GLIS3: variants seen among roughly 807,000 people sequenced by gnomAD.
The protein encoded by GLIS3 is zinc finger protein GLIS3.
GLIS3 carries 53 observed loss-of-function variants against 78.6 expected under a neutral mutation model. The ratio of observed to expected loss-of-function variants is 0.67; its 90% CI spans 0.54 to 0.85. GLIS3 has a LOEUF of 0.85. Ranked by LOEUF, GLIS3 falls within the 40% of genes least tolerant of loss-of-function variation. The pLI is 0.00. For synonymous variants in GLIS3, 684 were observed against 509.9 expected, an observed-to-expected ratio of 1.34 and a Z score of -4.60; for missense variants, 1,703 against 1,231.1, an observed-to-expected ratio of 1.38 and a Z score of -5.74.
intron 4 of GLIS3, among the ~76,000 whole-genome samples, chr9:3,969,775 G>T (rs940576830): frequency 3.9e-5 from 6 of 152,234 alleles, no homozygotes; most frequent in African/African-American, 1.4e-4. Context: ...AGCCCCAGAT[G>T]GTTGCTTTCA....
rs373067552 is a variant in GLIS3 at position 4,066,360 on chromosome 9, C to A, written c.1710+51408G>T. Among the ~76,000 whole-genome samples the A allele has an allele frequency of 5.9e-5, 9 of 152,208 alleles. No homozygotes were observed. The East Asian group carries it at 1.4e-3, about 23-fold the overall frequency. On this transcript the variant is annotated intron_variant, in intron 4 of 10. Coordinates refer to ENST00000381971, the MANE Select transcript of GLIS3 (RefSeq NM_001042413.2). ...TGGGAAATCCTCTGGAGTGCATATT[C>A]CTGTCTTATCTTTGATGCTGATAGG... is the stretch of plus-strand genomic sequence containing the variant.
chr9:4,249,203 T>C (rs1021476510), intron 2 of GLIS3, among the ~76,000 whole-genome samples: 4 of 152,234 alleles, frequency 2.6e-5, no homozygotes, highest in Non-Finnish European at 5.9e-5. Flanking sequence ...ATCTGTAAAT[T>C]ACTTTGGGTA....
intron 1 of GLIS3, chr9:4,298,319 C>CA: frequency 2.2e-6 from 1 of 455,514 alleles, no homozygotes; most frequent in South Asian, 1.6e-5. Flanking sequence ...CAAACACCTC[C>CA]AGCAAGTCGG....
intron 3 of GLIS3, among the ~76,000 whole-genome samples, chr9:4,125,041 C>G (rs147454542): frequency 6.6e-6 from 1 of 152,318 alleles, no homozygotes; most frequent in East Asian, 1.9e-4. Flanking sequence ...GGGGTGATTT[C>G]CCTTTTCTAT....
chr9:4,355,350 T>G, the GLIS3 span, among the ~76,000 whole-genome samples: 3 of 152,074 alleles, frequency 2.0e-5, no homozygotes, highest in Non-Finnish European at 4.4e-5. Context: ...CAGGGCTCAT[T>G]TAGGCAATGC....
chr9:4,048,508 G>A (rs1825440862), intron 4 of GLIS3, among the ~76,000 whole-genome samples: 1 of 152,162 alleles, frequency 6.6e-6, no homozygotes, highest in Non-Finnish European at 1.5e-5. Flanking sequence ...AGCTAGCACG[G>A]TCAGAAACAG....
chr9:3,826,390 G>C lies in GLIS3; in HGVS notation c.*1882C>G, dbSNP rs1817726173. 1 of 152,210 alleles carries C rather than the reference G, an allele frequency of 6.6e-6. No individual in the cohort carries two copies. The highest frequency in any genetic ancestry group is 2.4e-5 in the African/African-American group (1 of 41,438). The allele number at this position is 152,210 out of a possible 1,614,324, so 9.4% of individuals were successfully genotyped here. On this transcript the variant is annotated 3_prime_UTR_variant, in exon 11 of 11. Transcript: ENST00000381971. ...ACACGACCCACAAAGTCTGCAGGAA[G>C]GGTGGTACTTTACAAGCAGCCTTGG...
chr9:4,311,967 C>G (rs1817367428), intron 2 of GLIS3, among the ~76,000 whole-genome samples: 2 of 152,108 alleles, frequency 1.3e-5, no homozygotes, highest in Admixed American at 1.3e-4. Flanking sequence ...GAACTACAGA[C>G]AGTGGGGTCC....
At chr9:4,303,578 C>T (rs114191698), upstream of GLIS3, among the ~76,000 whole-genome samples, 364 of 152,228 alleles carry the variant, frequency 2.4e-3, 1 homozygote, top group African/African-American at 8.2e-3. Context: ...TTACACATAT[C>T]GCATTCACAA....
chr9:4,214,422 C>T (rs1433262198), intron 2 of GLIS3, among the ~76,000 whole-genome samples: 7 of 152,288 alleles, frequency 4.6e-5, no homozygotes, highest in African/African-American at 9.6e-5. Flanking sequence ...ATATCTCCAT[C>T]GGCACGTATG....
At chr9:4,387,437 C>G in the GLIS3 span, among the ~76,000 whole-genome samples, 2 of 152,118 alleles carry the variant, frequency 1.3e-5, no homozygotes, top group Non-Finnish European at 2.9e-5. Context: ...TTACGGTGTC[C>G]TCACGGTTGC....
intron 2 of GLIS3, among the ~76,000 whole-genome samples, chr9:4,280,235 C>T (rs902186192): frequency 6.6e-5 from 10 of 152,208 alleles, no homozygotes; most frequent in Non-Finnish European, 1.2e-4. Flanking sequence ...GTTGCCCAGA[C>T]TGGTCTTGAG....
At chr9:4,006,965 T>C (rs1380164176) in intron 4 of GLIS3, among the ~76,000 whole-genome samples, 1 of 152,186 alleles carries the variant, frequency 6.6e-6, no homozygotes, top group Non-Finnish European at 1.5e-5. Context: ...CAAGGCACAA[T>C]GTCATTGAGG....
At chr9:4,075,918 G>A (rs1332573479) in intron 4 of GLIS3, among the ~76,000 whole-genome samples, 8 of 152,256 alleles carry the variant, frequency 5.3e-5, no homozygotes, top group South Asian at 2.1e-4. Flanking sequence ...TAATCTAAAG[G>A]AATAGAAAGC....
At chr9:4,473,535 C>A in the GLIS3 span, among the ~76,000 whole-genome samples, 1 of 151,744 alleles carries the variant, frequency 6.6e-6, no homozygotes, top group African/African-American at 2.4e-5. Context: ...CAAACTACTG[C>A]AGGAACAGAA....
chr9:3,843,160 C>T (rs2130094665), intron 9 of GLIS3, among the ~76,000 whole-genome samples: 1 of 152,272 alleles, frequency 6.6e-6, no homozygotes, highest in East Asian at 1.9e-4. Context: ...TTCTGTTGTC[C>T]AGCTGTAACC....
intron 2 of GLIS3, among the ~76,000 whole-genome samples, chr9:4,166,961 G>C (rs540381064): frequency 6.6e-6 from 1 of 152,222 alleles, no homozygotes; most frequent in African/African-American, 2.4e-5. Flanking sequence ...GTGTGTTCCT[G>C]TTTGCGAACA....
At chr9:4,292,119 C>G (rs7852217) in intron 1 of GLIS3, among the ~76,000 whole-genome samples, 29,517 of 152,104 alleles carry the variant, frequency 0.19, 3,532 homozygotes, top group Non-Finnish European at 0.27. Flanking sequence ...CTTGGGCCCA[C>G]AGGCTGTAAG....
chr9:4,309,828 G>A (rs1046283428), intron 3 of GLIS3, among the ~76,000 whole-genome samples: 6 of 152,064 alleles, frequency 3.9e-5, no homozygotes, highest in East Asian at 1.9e-4. Flanking sequence ...GGATAACTCC[G>A]AAAGAGACAT....
Sources: allele counts gnomAD v4.1 joint callset (sites outside exome capture counted in the v4.1 genomes callset), GRCh38; gene constraint gnomAD v4.1.1; transcripts MANE v1.5; gene names NCBI Gene and HGNC (gene_info 2026-07-23, HGNC 2026-07-21).